The following GRM5 variants were observed in gnomAD, a reference collection of about 807,000 sequenced individuals.
GRM5 encodes the protein metabotropic glutamate receptor 5.
GRM5 carries 19 observed loss-of-function variants against 83.1 expected under a neutral mutation model. That is an observed-to-expected ratio of 0.23 (90% CI 0.16 to 0.34). The LOEUF is 0.34. Among genes scored for constraint, GRM5 ranks in the 10% least tolerant of loss-of-function variants. The probability of loss-of-function intolerance (pLI) is 1.00; values close to 1 mark genes in which losing one functional copy is unlikely to be tolerated. For synonymous variants in GRM5, 675 were observed against 633.6 expected (o/e 1.07, Z -0.98); for missense variants, 1,160 against 1,588.3 (o/e 0.73, Z 4.58).
intron 1 of GRM5, among the ~76,000 whole-genome samples, chr11:89,057,080 C>T (rs1300307978): frequency 6.6e-6 from 1 of 152,144 alleles, no homozygotes; most frequent in Admixed American, 6.6e-5. Flanking sequence ...TTCTAAAATA[C>T]TGACCATCTT....
chr11:88,700,626 C>G (rs1189537161), intron 3 of GRM5, among the ~76,000 whole-genome samples: 1 of 152,144 alleles, frequency 6.6e-6, no homozygotes, highest in Non-Finnish European at 1.5e-5. Flanking sequence ...TTCACAGGGT[C>G]TCAGCTAGAA....
intron 3 of GRM5, among the ~76,000 whole-genome samples, chr11:88,739,271 T>C (rs1180594262): frequency 1.3e-5 from 2 of 152,056 alleles, no homozygotes; most frequent in Non-Finnish European, 2.9e-5. Context: ...CACCAAATGT[T>C]GACATATTAC....
chr11:88,815,589 C>G (rs1310863007), intron 3 of GRM5, among the ~76,000 whole-genome samples: 1 of 152,140 alleles, frequency 6.6e-6, no homozygotes, highest in Admixed American at 6.5e-5. Flanking sequence ...TGGTCAGAGT[C>G]TCAGGCTGAT....
intron 3 of GRM5, among the ~76,000 whole-genome samples, chr11:88,834,623 G>T (rs1229834909): frequency 1.3e-5 from 2 of 152,148 alleles, no homozygotes; most frequent in African/African-American, 4.8e-5. Flanking sequence ...GAATGTATCT[G>T]GTCTTCCTTG....
chr11:88,554,236 TC>T (rs140322369), intron 8 of GRM5, among the ~76,000 whole-genome samples: 5,962 of 152,086 alleles, frequency 0.039, 146 homozygotes, highest in South Asian at 0.084. Context: ...TCCTCCACAT[TC>T]AAAGCCAGCA....
chr11:88,612,283 C>A (rs1027351567), intron 4 of GRM5, among the ~76,000 whole-genome samples: 52 of 150,482 alleles, frequency 3.5e-4, no homozygotes, highest in African/African-American at 1.1e-3. Context: ...CATGTCCCTA[C>A]AAAGGACATG....
At chr11:88,832,364 C>T (rs1205204906) in intron 3 of GRM5, among the ~76,000 whole-genome samples, 1 of 151,986 alleles carries the variant, frequency 6.6e-6, no homozygotes, top group Non-Finnish European at 1.5e-5. Flanking sequence ...AAGGCAATCC[C>T]AATTACAATG....
intron 3 of GRM5, among the ~76,000 whole-genome samples, chr11:88,788,806 T>C (rs2135472135): frequency 6.6e-6 from 1 of 152,262 alleles, no homozygotes; most frequent in Admixed American, 6.6e-5. Context: ...AAAGCTATTT[T>C]CCAAAATACA....
intron 2 of GRM5, chr11:88,925,807 G>A (rs1169849100): frequency 2.2e-6 from 1 of 449,034 alleles, no homozygotes; most frequent in Admixed American, 2.4e-5. Flanking sequence ...TCCTCTGGAG[G>A]CTGAGGCATG....
At chr11:88,661,394 G>A (rs1206931878) in intron 3 of GRM5, among the ~76,000 whole-genome samples, 1 of 151,954 alleles carries the variant, frequency 6.6e-6, no homozygotes, top group African/African-American at 2.4e-5. Context: ...GTGCAGAATG[G>A]TCCTCTTGTT....
intron 3 of GRM5, among the ~76,000 whole-genome samples, chr11:88,773,835 T>C (rs1265710735): frequency 6.6e-6 from 1 of 152,224 alleles, no homozygotes; most frequent in Non-Finnish European, 1.5e-5. Context: ...ACCAGTACCA[T>C]GCTGTTTTGG....
intron 7 of GRM5, among the ~76,000 whole-genome samples, chr11:88,574,387 C>A (rs767573259): frequency 5.3e-5 from 8 of 152,054 alleles, no homozygotes; most frequent in South Asian, 2.1e-4. Context: ...GAATTTGAGT[C>A]TAGTTTCTGG....
chr11:89,060,515 G>A (rs1358511138), intron 1 of GRM5, among the ~76,000 whole-genome samples: 1 of 152,020 alleles, frequency 6.6e-6, no homozygotes, highest in African/African-American at 2.4e-5. Flanking sequence ...ATAATGCCTT[G>A]TATTGTTGAT....
chr11:88,839,317 T>C (rs1215177433), intron 3 of GRM5, among the ~76,000 whole-genome samples: 1 of 152,198 alleles, frequency 6.6e-6, no homozygotes, highest in African/African-American at 2.4e-5. Context: ...ATTTTCAACA[T>C]ATTCCAATGA....
chr11:88,634,976 C>A (rs1253490192), intron 4 of GRM5, among the ~76,000 whole-genome samples: 3 of 152,130 alleles, frequency 2.0e-5, no homozygotes, highest in Non-Finnish European at 4.4e-5. Flanking sequence ...CGTTATGTAG[C>A]ACATGACTCT....
chr11:88,656,260 C>G (rs147001565), intron 3 of GRM5, among the ~76,000 whole-genome samples: 1 of 152,252 alleles, frequency 6.6e-6, no homozygotes, highest in Non-Finnish European at 1.5e-5. Flanking sequence ...TATTATTTAT[C>G]CATCCATCCA....
At chr11:88,791,976 G>T (rs1943182404) in intron 3 of GRM5, among the ~76,000 whole-genome samples, 1 of 152,090 alleles carries the variant, frequency 6.6e-6, no homozygotes, top group Non-Finnish European at 1.5e-5. Context: ...ATTGATCAGT[G>T]TACTACCTAG....
chr11:88,643,952 A>G (rs1939370221), intron 4 of GRM5, among the ~76,000 whole-genome samples: 2 of 152,218 alleles, frequency 1.3e-5, no homozygotes, highest in Non-Finnish European at 2.9e-5. Flanking sequence ...GAGAGATTGT[A>G]GACAACTCTA....
chr11:88,733,764 A>C (rs1941854892), intron 3 of GRM5, among the ~76,000 whole-genome samples: 1 of 152,008 alleles, frequency 6.6e-6, no homozygotes, highest in Non-Finnish European at 1.5e-5. Context: ...AGAACGTGTA[A>C]ATTTTATTCT....
Sources: allele counts gnomAD v4.1 joint callset (sites outside exome capture counted in the v4.1 genomes callset), GRCh38; gene constraint gnomAD v4.1.1; transcripts MANE v1.5; gene names NCBI Gene and HGNC (gene_info 2026-07-23, HGNC 2026-07-21).